MORC1: variants seen among roughly 807,000 people sequenced by gnomAD.
MORC1 encodes the protein MORC family CW-type zinc finger 1, also known as MORC family CW-type zinc finger protein 1.
A neutral mutation model predicts 134.9 loss-of-function variants in MORC1; 59 were observed. The observed-to-expected ratio is 0.44, with a 90% CI of 0.35 to 0.54. The LOEUF is 0.54. Among genes scored for constraint, MORC1 ranks in the 20% least tolerant of loss-of-function variants. The probability of loss-of-function intolerance (pLI) is 0.00; values close to 1 mark genes in which losing one functional copy is unlikely to be tolerated. For synonymous variants in MORC1, 395 were observed against 391.7 expected (o/e 1.01, Z -0.10); for missense variants, 947 against 1,134.5 (o/e 0.83, Z 2.37).
intron 8 of MORC1, among the ~76,000 whole-genome samples, chr3:109,080,091 G>T (rs910611224): frequency 2.6e-5 from 4 of 152,112 alleles, no homozygotes; most frequent in African/African-American, 9.7e-5. Flanking sequence ...CTGAGGTCCT[G>T]TGAGGCTAAA....
intron 21 of MORC1, among the ~76,000 whole-genome samples, chr3:108,997,036 A>T (rs1028680475): frequency 6.8e-6 from 1 of 146,056 alleles, no homozygotes; most frequent in Non-Finnish European, 1.5e-5. Context: ...AAAAAAAAAA[A>T]TGCTGTGGAA....
intron 17 of MORC1, among the ~76,000 whole-genome samples, chr3:109,021,104 G>A (rs1315695372): frequency 6.6e-6 from 1 of 152,100 alleles, no homozygotes; most frequent in Non-Finnish European, 1.5e-5. Flanking sequence ...GGGGAGCAGC[G>A]AGCAGCCTGC....
chr3:109,021,293 T>C (rs1255387973), intron 17 of MORC1, among the ~76,000 whole-genome samples: 3 of 152,182 alleles, frequency 2.0e-5, no homozygotes, highest in Non-Finnish European at 4.4e-5. Flanking sequence ...AGAGATCAAA[T>C]AGGTGTATTT....
intron 26 of MORC1, among the ~76,000 whole-genome samples, chr3:108,965,715 A>G (rs1947201837): frequency 6.6e-6 from 1 of 152,170 alleles, no homozygotes; most frequent in Admixed American, 6.5e-5. Context: ...ATAATTATGC[A>G]TAATTATGCA....
rs527866387 is a variant in MORC1 at position 108,989,673 on chromosome 3, T to C, written c.2188-2724A>G. Among the ~76,000 whole-genome samples the C allele has an allele frequency of 3.3e-5, 5 of 152,296 alleles. No homozygotes were observed. The South Asian group carries it at 8.3e-4, about 25-fold the overall frequency. Reference sequence around the variant, plus strand: ...TCTCCACACCTACTTCAAGCACTTATTATTATGAAGGAGCCATAAGGACTA... The same window carrying C: ...TCTCCACACCTACTTCAAGCACTTACTATTATGAAGGAGCCATAAGGACTA... On this transcript the variant is annotated intron_variant, in intron 21 of 27. Transcript: ENST00000232603.
intron 8 of MORC1, among the ~76,000 whole-genome samples, chr3:109,081,195 T>C (rs1262185134): frequency 2.0e-5 from 3 of 152,094 alleles, no homozygotes; most frequent in African/African-American, 7.2e-5. Context: ...TGTTGACAGA[T>C]ACAAGCTCAA....
chr3:109,108,894 C>A (rs953486725), intron 3 of MORC1, among the ~76,000 whole-genome samples: 1 of 95,192 alleles, frequency 1.1e-5, no homozygotes, highest in Non-Finnish European at 2.3e-5. Flanking sequence ...AGCGAGACTC[C>A]GTCTCACAAA....
At chr3:108,994,468 T>C (rs1000815331) in intron 21 of MORC1, among the ~76,000 whole-genome samples, 9 of 152,124 alleles carry the variant, frequency 5.9e-5, no homozygotes, top group Non-Finnish European at 1.5e-5. Flanking sequence ...AACCACACCA[T>C]ACAGATTCTT....
intron 2 of MORC1, among the ~76,000 whole-genome samples, chr3:109,113,692 C>T (rs1009884634): frequency 5.3e-5 from 8 of 152,016 alleles, no homozygotes; most frequent in African/African-American, 1.9e-4. Context: ...AATGAAGCCC[C>T]TCACAAGCTC....
intron 14 of MORC1, among the ~76,000 whole-genome samples, chr3:109,040,112 AAC>A (rs1949474337): frequency 6.6e-6 from 1 of 150,952 alleles, no homozygotes; most frequent in Non-Finnish European, 1.5e-5. Context: ...CAACAACAAC[AAC>A]AAAAAACAGT....
At chr3:109,048,343 A>T (rs1949743680) in intron 14 of MORC1, among the ~76,000 whole-genome samples, 1 of 152,218 alleles carries the variant, frequency 6.6e-6, no homozygotes, top group Admixed American at 6.5e-5. Flanking sequence ...AACAGTACTT[A>T]CTTTTAGAAA....
chr3:108,965,310 A>G (rs1947188993), intron 26 of MORC1, among the ~76,000 whole-genome samples: 1 of 152,240 alleles, frequency 6.6e-6, no homozygotes, highest in Non-Finnish European at 1.5e-5. Flanking sequence ...AAAAAACAAT[A>G]GTATTGCTAA....
chr3:109,029,361 A>G (rs188334856), intron 16 of MORC1, among the ~76,000 whole-genome samples: 38 of 152,330 alleles, frequency 2.5e-4, no homozygotes, highest in Admixed American at 6.5e-4. Flanking sequence ...AACCTGTGAC[A>G]ACATTAAGTT....
intron 14 of MORC1, among the ~76,000 whole-genome samples, chr3:109,044,847 A>G (rs931998192): frequency 1.6e-5 from 2 of 126,692 alleles, no homozygotes; most frequent in Non-Finnish European, 3.6e-5. Flanking sequence ...TGGGAGGCTT[A>G]GGCAGGAGAA....
intron 8 of MORC1, among the ~76,000 whole-genome samples, chr3:109,082,145 T>C (rs1183412492): frequency 2.0e-5 from 3 of 151,974 alleles, no homozygotes. Context: ...GGACTTTCCC[T>C]ATTTAGGACA....
chr3:109,046,921 G>A (rs1949708908), intron 14 of MORC1, among the ~76,000 whole-genome samples: 1 of 152,096 alleles, frequency 6.6e-6, no homozygotes, highest in East Asian at 1.9e-4. Flanking sequence ...TGCATTGTGA[G>A]CTGCTTTATT....
At chr3:109,065,821 G>C (rs1043103744) in intron 9 of MORC1, among the ~76,000 whole-genome samples, 10 of 152,174 alleles carry the variant, frequency 6.6e-5, no homozygotes, top group African/African-American at 2.2e-4. Context: ...ATACACTATA[G>C]AAGACTACAC....
At chr3:109,050,228 C>T (rs1949789210) in intron 14 of MORC1, among the ~76,000 whole-genome samples, 1 of 152,182 alleles carries the variant, frequency 6.6e-6, no homozygotes, top group African/African-American at 2.4e-5. Context: ...ATTGTCAAAT[C>T]GTGTTAGCCT....
At chr3:108,962,982 A>T (rs549749621) in intron 27 of MORC1, among the ~76,000 whole-genome samples, 1 of 152,130 alleles carries the variant, frequency 6.6e-6, no homozygotes, top group East Asian at 1.9e-4. Context: ...GTCACATGTT[A>T]TTAAGGGGAC....
Sources: allele counts gnomAD v4.1 joint callset (sites outside exome capture counted in the v4.1 genomes callset), GRCh38; gene constraint gnomAD v4.1.1; transcripts MANE v1.5; gene names NCBI Gene and HGNC (gene_info 2026-07-23, HGNC 2026-07-21).